The following MRAS variants were observed in gnomAD, a reference collection of about 807,000 sequenced individuals.
The protein encoded by MRAS is muscle RAS oncogene homolog.
A neutral mutation model predicts 20.9 loss-of-function variants in MRAS; 4 were observed. The observed-to-expected ratio is 0.19, with a 90% CI of 0.09 to 0.44. MRAS has a LOEUF of 0.44. Among genes scored for constraint, MRAS ranks in the 20% least tolerant of loss-of-function variants. The pLI is 0.99. For missense variants in MRAS, 154 were observed against 277.5 expected (o/e 0.56, Z 3.16); for synonymous variants, 98 against 102.9 (o/e 0.95, Z 0.29).
At chr3:138,360,436 G>A (rs2054422335) in intron 1 of MRAS, among the ~76,000 whole-genome samples, 1 of 152,250 alleles carries the variant, frequency 6.6e-6, no homozygotes. Context: ...AACCTTAGCT[G>A]TACTCTGGGG....
At position 138,371,000 on chromosome 3, in the gene MRAS, G is replaced by A. The variant is rs1459398965; in HGVS notation, c.-18-1866G>A. 2.0e-5 allele frequency among the ~76,000 whole-genome samples: 3 copies of A among 152,072 alleles called. No homozygotes were observed. The East Asian group carries it at 5.8e-4, about 29-fold the overall frequency. ...TGACTGCATAGTACTCCATTATATG[G>A]ATAAACTTTAACTTTTCCCCCCAAC... On this transcript the variant is annotated intron_variant, in intron 1 of 5. Coordinates refer to ENST00000423968, the MANE Select transcript of MRAS (RefSeq NM_001085049.3).
At chr3:138,372,018 A>C (rs2108518711) in intron 1 of MRAS, among the ~76,000 whole-genome samples, 2 of 152,172 alleles carry the variant, frequency 1.3e-5, no homozygotes, top group East Asian at 3.9e-4. Flanking sequence ...ACCTTAGCTC[A>C]GGGTTTCTCA....
intron 1 of MRAS, among the ~76,000 whole-genome samples, chr3:138,364,744 T>G (rs2054526059): frequency 6.6e-6 from 1 of 152,234 alleles, no homozygotes. Flanking sequence ...ATCTATGCCC[T>G]GGTCAGCAAG....
intron 1 of MRAS, among the ~76,000 whole-genome samples, chr3:138,365,580 G>A (rs6763729): frequency 1.3e-5 from 2 of 152,186 alleles, no homozygotes; most frequent in Non-Finnish European, 2.9e-5. Context: ...AGAAAAGCAC[G>A]GATTGGTAGA....
At chr3:138,354,798 A>G (rs545091907) in intron 1 of MRAS, among the ~76,000 whole-genome samples, 4 of 150,286 alleles carry the variant, frequency 2.7e-5, no homozygotes, top group South Asian at 4.2e-4. Flanking sequence ...TGTTGTTGTT[A>G]GCAGTGAAGT....
intron 2 of MRAS, among the ~76,000 whole-genome samples, chr3:138,374,493 A>AT (rs1180769042): frequency 6.6e-6 from 1 of 151,942 alleles, no homozygotes; most frequent in Non-Finnish European, 1.5e-5. Context: ...ATTCTGCTGG[A>AT]TTTTTCTGAA....
chr3:138,353,242 G>A (rs2054264095), intron 1 of MRAS, among the ~76,000 whole-genome samples: 1 of 152,128 alleles, frequency 6.6e-6, no homozygotes, highest in Non-Finnish European at 1.5e-5. Flanking sequence ...TAAGGCTAAA[G>A]AAGTATTTTA....
chr3:138,363,445 C>T (rs567800943), intron 1 of MRAS, among the ~76,000 whole-genome samples: 1 of 152,122 alleles, frequency 6.6e-6, no homozygotes, highest in East Asian at 1.9e-4. Context: ...TTCCGCAGCA[C>T]CCCCAGGCTG....
intron 1 of MRAS, among the ~76,000 whole-genome samples, chr3:138,352,053 A>G (rs79835098): frequency 1.2e-3 from 182 of 152,312 alleles, no homozygotes; most frequent in Non-Finnish European, 2.0e-3. Flanking sequence ...ATGGGGGCCA[A>G]GAGTACAAAT....
rs143302256 is a variant in MRAS at position 138,393,385 on chromosome 3, T to G, written c.194-3939T>G. On this transcript the variant is annotated intron_variant, in intron 2 of 5. Coordinates refer to ENST00000423968, the MANE Select transcript of MRAS (RefSeq NM_001085049.3). ...TGGCCTTAAACTTAACTCTTATGTT[T>G]TGCTGTTTTCTTCGCTTACCACTGT... Among the ~76,000 whole-genome samples, 346 of 149,792 alleles carry G rather than the reference T, an allele frequency of 2.3e-3. No individual in the cohort carries two copies. The Middle Eastern group carries it at 0.027, about 12-fold the overall frequency.
intron 5 of MRAS, 144 bp from the exon 6 acceptor site, chr3:138,402,026 G>A: frequency 1.4e-6 from 1 of 716,552 alleles, no homozygotes; most frequent in Non-Finnish European, 2.3e-6. Flanking sequence ...CACTGGGAGA[G>A]GGATGGCATC....
chr3:138,378,565 GCT>G (rs1428696234), intron 2 of MRAS, among the ~76,000 whole-genome samples: 2 of 152,150 alleles, frequency 1.3e-5, no homozygotes, highest in African/African-American at 2.4e-5. Flanking sequence ...CCATCTCCAT[GCT>G]CTCAGCCCTC....
chr3:138,385,213 G>T (rs902781979), intron 2 of MRAS, among the ~76,000 whole-genome samples: 31 of 136,254 alleles, frequency 2.3e-4, no homozygotes, highest in Non-Finnish European at 4.1e-4. Context: ...TGTCACCCAG[G>T]CTGGAGTTCA....
intron 2 of MRAS, among the ~76,000 whole-genome samples, chr3:138,377,452 A>G (rs905662455): frequency 3.3e-5 from 5 of 152,196 alleles, no homozygotes; most frequent in Non-Finnish European, 7.3e-5. Flanking sequence ...TAAAAATACA[A>G]AAAAAATTAG....
At chr3:138,365,331 C>A (rs59198857) in intron 1 of MRAS, among the ~76,000 whole-genome samples, 6,766 of 152,274 alleles carry the variant, frequency 0.044, 474 homozygotes, top group African/African-American at 0.15. Flanking sequence ...TCGCAGATGG[C>A]TCCGCCCTGA....
chr3:138,396,751 A>G (rs1171668688), intron 2 of MRAS, among the ~76,000 whole-genome samples: 4 of 152,090 alleles, frequency 2.6e-5, no homozygotes, highest in Non-Finnish European at 1.5e-5. Flanking sequence ...CTCCTCCCCC[A>G]GGGTCTCCTT....
chr3:138,371,454 C>G (rs963606150), intron 1 of MRAS, among the ~76,000 whole-genome samples: 1 of 152,190 alleles, frequency 6.6e-6, no homozygotes, highest in Non-Finnish European at 1.5e-5. Context: ...TCAGAGAGAT[C>G]AGTGGCCTTC....
At chr3:138,350,033 A>G (rs2054195139) in intron 1 of MRAS, 1 of 152,220 alleles carries the variant, frequency 6.6e-6, no homozygotes. Flanking sequence ...GCTCTGGTGC[A>G]GCCTGTGTTA....
Position 138,372,054 on chromosome 3 carries a change from A to G in MRAS, c.-18-812A>G, listed in dbSNP as rs114945635. ...ACCTCAGCACTATTGACATTTTAGG[A>G]TGGATAATTCTTCACTGGGGGGGAC... is the stretch of plus-strand genomic sequence containing the variant. On this transcript the variant is annotated intron_variant, in intron 1 of 5. Transcript: ENST00000423968. Among the ~76,000 whole-genome samples, 434 of 152,238 alleles carry G rather than the reference A, an allele frequency of 2.9e-3. 3 individuals are homozygous for G. The highest frequency in any genetic ancestry group is 0.01 in the African/African-American group (416 of 41,546).
Sources: allele counts gnomAD v4.1 joint callset (sites outside exome capture counted in the v4.1 genomes callset), GRCh38; gene constraint gnomAD v4.1.1; transcripts MANE v1.5; gene names NCBI Gene and HGNC (gene_info 2026-07-23, HGNC 2026-07-21).